Variants in EDIL3 observed in about 807,000 individuals in gnomAD.
EDIL3 encodes the protein EGF-like repeat and discoidin I-like domain-containing protein 3.
Under a neutral mutation model 67.4 loss-of-function variants are expected in EDIL3, and 37 were observed. That is an observed-to-expected ratio of 0.55 (90% confidence interval 0.42 to 0.72). EDIL3 has a LOEUF of 0.72. Ranked by LOEUF, EDIL3 falls within the 30% of genes least tolerant of loss-of-function variation. The pLI is 0.00. For synonymous variants in EDIL3, 195 were observed against 196.3 expected (o/e 0.99, Z 0.05); for missense variants, 527 against 586.3 (o/e 0.90, Z 1.04).
chr5:83,998,746 C>T (rs182712757), intron 9 of EDIL3, among the ~76,000 whole-genome samples: 42 of 152,300 alleles, frequency 2.8e-4, no homozygotes, highest in Middle Eastern at 3.4e-3. Context: ...CAGGATTCAC[C>T]ATCTGCTGAC....
At chr5:83,949,358 A>G (rs1321147366) in intron 10 of EDIL3, among the ~76,000 whole-genome samples, 2 of 151,920 alleles carry the variant, frequency 1.3e-5, no homozygotes, top group Non-Finnish European at 2.9e-5. Flanking sequence ...AAATGTATAC[A>G]TAAGACCTTA....
At chr5:84,216,716 AT>A (rs1272103952) in intron 3 of EDIL3, among the ~76,000 whole-genome samples, 3 of 152,232 alleles carry the variant, frequency 2.0e-5, no homozygotes, top group African/African-American at 7.2e-5. Flanking sequence ...GAATAAAAAA[AT>A]CATAATCGAA....
intron 5 of EDIL3, among the ~76,000 whole-genome samples, chr5:84,127,222 C>T (rs1747884112): frequency 6.6e-6 from 1 of 151,984 alleles, no homozygotes; most frequent in Non-Finnish European, 1.5e-5. Context: ...TGTCCCTGCT[C>T]CTGTTTTCCT....
intron 1 of EDIL3, among the ~76,000 whole-genome samples, chr5:84,352,664 A>G (rs1747384213): frequency 6.6e-6 from 1 of 152,118 alleles, no homozygotes; most frequent in African/African-American, 2.4e-5. Context: ...GGAGAGTGAT[A>G]GAAGAAATAC....
chr5:84,093,522 T>G (rs1747205087), intron 6 of EDIL3, among the ~76,000 whole-genome samples: 1 of 152,220 alleles, frequency 6.6e-6, no homozygotes, highest in South Asian at 2.1e-4. Context: ...GGTCAATAGA[T>G]GAACCATGCA....
intron 9 of EDIL3, among the ~76,000 whole-genome samples, chr5:83,993,487 A>C (rs2112161652): frequency 6.6e-6 from 1 of 152,354 alleles, no homozygotes; most frequent in South Asian, 2.1e-4. Flanking sequence ...TATAAACCAC[A>C]CATATTTTCT....
intron 2 of EDIL3, among the ~76,000 whole-genome samples, chr5:84,248,607 GATA>G (rs1300134651): frequency 1.3e-5 from 2 of 152,024 alleles, no homozygotes; most frequent in Non-Finnish European, 2.9e-5. Flanking sequence ...TGACTTCTTA[GATA>G]ATGTCTATCA....
Position 84,329,552 on chromosome 5 carries a change from C to T in EDIL3, c.67+54756G>A, listed in dbSNP as rs1382168043. ...CATTAATTTATGCAATTTTGTTGGA[C>T]GTTAGTCTGTTGAATATACCACCTG... On this transcript the variant is annotated intron_variant, in intron 1 of 10. Coordinates refer to ENST00000296591, the MANE Select transcript of EDIL3 (RefSeq NM_005711.5). Among the ~76,000 whole-genome samples, 6 of 152,020 alleles carry T rather than the reference C, an allele frequency of 3.9e-5. No homozygotes were observed. The East Asian group carries it at 7.7e-4, about 20-fold the overall frequency.
intron 1 of EDIL3, among the ~76,000 whole-genome samples, chr5:84,262,294 A>G (rs1745238831): frequency 6.6e-6 from 1 of 152,116 alleles, no homozygotes; most frequent in Non-Finnish European, 1.5e-5. Context: ...AAATATCTCA[A>G]TTTATTCAAG....
chr5:84,162,712 T>A (rs1418602278), intron 4 of EDIL3, among the ~76,000 whole-genome samples: 2 of 152,102 alleles, frequency 1.3e-5, no homozygotes, highest in Non-Finnish European at 2.9e-5. Context: ...GCTTCTTGGT[T>A]TTGAGAAGTC....
At chr5:84,374,683 G>C (rs1747929331) in intron 1 of EDIL3, among the ~76,000 whole-genome samples, 1 of 152,182 alleles carries the variant, frequency 6.6e-6, no homozygotes, top group African/African-American at 2.4e-5. Flanking sequence ...GGAGGGACCT[G>C]TAATCCCCAA....
At chr5:84,225,012 A>G (rs1744421590) in intron 3 of EDIL3, among the ~76,000 whole-genome samples, 1 of 151,538 alleles carries the variant, frequency 6.6e-6, no homozygotes, top group Non-Finnish European at 1.5e-5. Flanking sequence ...GTGTTTTTAT[A>G]CTCAATAAAA....
At chr5:84,088,903 T>C (rs1356906141) in intron 6 of EDIL3, among the ~76,000 whole-genome samples, 1 of 152,098 alleles carries the variant, frequency 6.6e-6, no homozygotes, top group Admixed American at 6.6e-5. Context: ...GGAGAAAATG[T>C]AACCAACATA....
chr5:84,205,748 C>T (rs932054081), intron 3 of EDIL3, among the ~76,000 whole-genome samples: 1 of 152,104 alleles, frequency 6.6e-6, no homozygotes, highest in Non-Finnish European at 1.5e-5. Flanking sequence ...TCTGTGGGAT[C>T]GGTGGTGATA....
At chr5:84,063,392 T>A (rs931980855) in intron 8 of EDIL3, among the ~76,000 whole-genome samples, 1 of 152,122 alleles carries the variant, frequency 6.6e-6, no homozygotes, top group African/African-American at 2.4e-5. Flanking sequence ...GTAAACAAAC[T>A]GGATTAAATT....
intron 1 of EDIL3, among the ~76,000 whole-genome samples, chr5:84,355,436 T>C (rs1473302625): frequency 6.6e-6 from 1 of 152,078 alleles, no homozygotes; most frequent in Non-Finnish European, 1.5e-5. Context: ...AACATGCTCC[T>C]TTAGCTCAGA....
intron 1 of EDIL3, among the ~76,000 whole-genome samples, chr5:84,383,741 C>T (rs905841713): frequency 6.6e-6 from 1 of 152,116 alleles, no homozygotes; most frequent in African/African-American, 2.4e-5. Flanking sequence ...GCTGAAGTGA[C>T]CTGTGAGACT....
At chr5:83,981,556 A>G (rs916665397) in intron 9 of EDIL3, among the ~76,000 whole-genome samples, 1 of 152,018 alleles carries the variant, frequency 6.6e-6, no homozygotes, top group Non-Finnish European at 1.5e-5. Context: ...GTGTCAGCCT[A>G]AATTTTTCCA....
intron 6 of EDIL3, among the ~76,000 whole-genome samples, chr5:84,096,291 A>C (rs2112273114): frequency 6.6e-6 from 1 of 152,288 alleles, no homozygotes; most frequent in South Asian, 2.1e-4. Flanking sequence ...CAGATGCTCA[A>C]AGGCAACCTG....
Sources: gnomAD v4.1 joint callset for allele counts (sites outside exome capture counted in the v4.1 genomes callset) on GRCh38, gnomAD v4.1.1 for gene constraint, MANE v1.5 for transcripts, NCBI Gene and HGNC (gene_info 2026-07-23, HGNC 2026-07-21) for gene names.